The following PARD3B variants were observed in gnomAD, a reference collection of about 807,000 sequenced individuals.
PARD3B encodes the protein partitioning defective 3 homolog B.
In PARD3B, 103 loss-of-function variants were observed where a neutral mutation model predicts 130.2. The observed-to-expected ratio is 0.79, with a 90% confidence interval of 0.67 to 0.93. The LOEUF is 0.93. PARD3B is among the 40% of genes least tolerant of loss of function. The pLI, the probability that PARD3B is intolerant of heterozygous loss-of-function variation, is 0.00. For missense variants in PARD3B, 1,609 were observed against 1,499.2 expected, an observed-to-expected ratio of 1.07 and a Z score of -1.21; for synonymous variants, 583 against 553.2, an observed-to-expected ratio of 1.05 and a Z score of -0.76.
rs900291191 is a variant in PARD3B at position 205,351,594 on chromosome 2, C to G, written c.2631-49419C>G. Among the ~76,000 whole-genome samples, 3 of 152,112 alleles carry G rather than the reference C, an allele frequency of 2.0e-5. No homozygotes were observed. The highest frequency in any genetic ancestry group is 4.4e-5 in the Non-Finnish European group (3 of 68,008). ...ATCCAGCTGACCAAATAAGAAGGCCCATGGGCAGGGAGCAGCTGGGCACCA... is the reference window on the plus strand; with the variant it reads ...ATCCAGCTGACCAAATAAGAAGGCCGATGGGCAGGGAGCAGCTGGGCACCA... On this transcript the variant is annotated intron_variant, in intron 18 of 22. Transcript: ENST00000406610. The surrounding 1 kb of genome is among the most constrained non-coding windows in gnomAD (Gnocchi z 4.2).
At chr2:204,904,074 AG>A (rs2046961262) in intron 2 of PARD3B, among the ~76,000 whole-genome samples, 1 of 152,204 alleles carries the variant, frequency 6.6e-6, no homozygotes, top group Non-Finnish European at 1.5e-5. Flanking sequence ...AGCATAAAAA[AG>A]GCTCTGATTT....
intron 22 of PARD3B, among the ~76,000 whole-genome samples, chr2:205,588,421 A>G (rs960686362): frequency 2.6e-5 from 4 of 151,886 alleles, no homozygotes; most frequent in African/African-American, 9.7e-5. Flanking sequence ...CCAGACCTGA[A>G]TTTTTTAATA....
At chr2:204,559,140 T>G (rs537473129) in intron 1 of PARD3B, among the ~76,000 whole-genome samples, 1 of 152,238 alleles carries the variant, frequency 6.6e-6, no homozygotes, top group South Asian at 2.1e-4. Flanking sequence ...GGGCAAGGAC[T>G]TCATGACTAA....
At chr2:205,594,572 G>A (rs2106608307) in intron 22 of PARD3B, among the ~76,000 whole-genome samples, 1 of 152,190 alleles carries the variant, frequency 6.6e-6, no homozygotes, top group East Asian at 1.9e-4. Context: ...AGAGCCTAAA[G>A]AGGACAAAGT....
chr2:205,403,307 A>G (rs1193001762), intron 19 of PARD3B, among the ~76,000 whole-genome samples: 1 of 152,204 alleles, frequency 6.6e-6, no homozygotes, highest in Non-Finnish European at 1.5e-5. Flanking sequence ...AAAGTACTGG[A>G]GCCAGCTTGT....
At chr2:205,509,044 A>G (rs945457042) in intron 21 of PARD3B, among the ~76,000 whole-genome samples, 1 of 151,802 alleles carries the variant, frequency 6.6e-6, no homozygotes, top group Admixed American at 6.6e-5. Context: ...CATATAAGCT[A>G]TATGGGAGAA....
chr2:205,007,276 C>A (rs1383134601), intron 3 of PARD3B, among the ~76,000 whole-genome samples: 1 of 152,148 alleles, frequency 6.6e-6, no homozygotes, highest in African/African-American at 2.4e-5. Context: ...TTCAATTAAA[C>A]CTCTTTCCTT....
At chr2:205,135,316 A>G (rs536510971) in intron 10 of PARD3B, among the ~76,000 whole-genome samples, 3 of 152,324 alleles carry the variant, frequency 2.0e-5, no homozygotes, top group South Asian at 4.1e-4. Flanking sequence ...ACATTTGTTA[A>G]GGTACATTTG....
At chr2:204,749,353 A>G (rs2040370870) in intron 2 of PARD3B, among the ~76,000 whole-genome samples, 1 of 152,124 alleles carries the variant, frequency 6.6e-6, no homozygotes, top group Non-Finnish European at 1.5e-5. Context: ...GTATTGTAAC[A>G]ACACTCTTTT....
intron 1 of PARD3B, among the ~76,000 whole-genome samples, chr2:204,637,780 T>C (rs998867455): frequency 6.6e-6 from 1 of 152,030 alleles, no homozygotes; most frequent in Non-Finnish European, 1.5e-5. Context: ...CATTTCTTTC[T>C]TGGGGGTTTT....
At chr2:205,113,702 C>T in intron 6 of PARD3B, 125 bp downstream of exon 6, 1 of 626,708 alleles carries the variant, frequency 1.6e-6, no homozygotes. Context: ...TACCTCAAGA[C>T]ATACTTCTGT....
At chr2:204,764,083 A>G (rs1337825122) in intron 2 of PARD3B, among the ~76,000 whole-genome samples, 1 of 152,202 alleles carries the variant, frequency 6.6e-6, no homozygotes, top group Non-Finnish European at 1.5e-5. Flanking sequence ...GTGAGGCTGT[A>G]GCAAGAGTTT....
intron 22 of PARD3B, among the ~76,000 whole-genome samples, chr2:205,604,124 A>G (rs765588345): frequency 1.1e-4 from 17 of 152,170 alleles, no homozygotes; most frequent in Non-Finnish European, 1.9e-4. Context: ...TTAGCTGGAT[A>G]TTATATCCTG....
chr2:205,364,616 G>A (rs1014705146), intron 18 of PARD3B, among the ~76,000 whole-genome samples: 3 of 152,228 alleles, frequency 2.0e-5, no homozygotes, highest in African/African-American at 4.8e-5. Context: ...CTTGAATATC[G>A]TATTACAAGG....
At chr2:204,835,634 G>A (rs2044000562) in intron 2 of PARD3B, among the ~76,000 whole-genome samples, 1 of 152,200 alleles carries the variant, frequency 6.6e-6, no homozygotes, top group African/African-American at 2.4e-5. Flanking sequence ...ATAAAATACA[G>A]ATGGTCCCCA....
intron 13 of PARD3B, 89 bp from the exon 14 acceptor site, chr2:205,185,675 A>T: frequency 9.5e-7 from 1 of 1,054,776 alleles, no homozygotes; most frequent in East Asian, 2.4e-5. Context: ...GTTGGCTAAA[A>T]CTGCGTCTGA....
At chr2:204,838,332 G>A (rs1055488165) in intron 2 of PARD3B, among the ~76,000 whole-genome samples, 7 of 149,816 alleles carry the variant, frequency 4.7e-5, no homozygotes, top group African/African-American at 1.3e-4. Context: ...ACAGGCACCC[G>A]CCACCATACC....
At chr2:205,549,515 C>A (rs944784108) in intron 21 of PARD3B, among the ~76,000 whole-genome samples, 3 of 152,030 alleles carry the variant, frequency 2.0e-5, no homozygotes, top group South Asian at 2.1e-4. Context: ...ATGCATATGA[C>A]CAAGTAAAAG....
chr2:204,830,799 A>T (rs1305456874), intron 2 of PARD3B, among the ~76,000 whole-genome samples: 2 of 152,176 alleles, frequency 1.3e-5, no homozygotes, highest in Non-Finnish European at 2.9e-5. Context: ...GACCATGGGT[A>T]CTCTGTAGTT....
Sources: allele counts gnomAD v4.1 joint callset (sites outside exome capture counted in the v4.1 genomes callset), GRCh38; gene constraint gnomAD v4.1.1; non-coding constraint Gnocchi (gnomAD v3.1); transcripts MANE v1.5; gene names NCBI Gene and HGNC (gene_info 2026-07-23, HGNC 2026-07-21).